GMDS: variants seen among roughly 807,000 people sequenced by gnomAD.
GMDS encodes GDP-mannose 4,6 dehydratase.
A neutral mutation model predicts 49.9 loss-of-function variants in GMDS; 20 were observed. That is an observed-to-expected ratio of 0.40 (90% confidence interval 0.28 to 0.58). The LOEUF is 0.58. Among genes scored for constraint, GMDS ranks in the 20% least tolerant of loss-of-function variants. The pLI, the probability that GMDS is intolerant of heterozygous loss-of-function variation, is 0.42. For missense variants in GMDS, 362 were observed against 481.4 expected (o/e 0.75, Z 2.32); for synonymous variants, 177 against 178.6 (o/e 0.99, Z 0.07).
At chr6:1,696,327 G>A (rs541865220) in intron 9 of GMDS, among the ~76,000 whole-genome samples, 46 of 152,356 alleles carry the variant, frequency 3.0e-4, no homozygotes, top group Admixed American at 1.2e-3. Flanking sequence ...GGCCTACGCC[G>A]TGATTTGCTG....
intron 4 of GMDS, among the ~76,000 whole-genome samples, chr6:2,098,161 G>A (rs1180984728): frequency 1.3e-5 from 2 of 152,258 alleles, no homozygotes; most frequent in East Asian, 3.9e-4. Flanking sequence ...CCAGGTTCAG[G>A]TGATTCTCCT....
chr6:2,175,802 T>TGTA, intron 1 of GMDS: 1 of 604,988 alleles, frequency 1.7e-6, no homozygotes, highest in Non-Finnish European at 2.9e-6. Flanking sequence ...AACATTTATA[T>TGTA]AGCCCTTAAA....
intron 6 of GMDS, among the ~76,000 whole-genome samples, chr6:1,940,692 T>C (rs1169626278): frequency 1.3e-5 from 2 of 152,268 alleles, no homozygotes; most frequent in African/African-American, 2.4e-5. Flanking sequence ...TTGTCTGAGA[T>C]AGCTACCACC....
At chr6:1,865,852 C>T (rs567805364) in intron 7 of GMDS, among the ~76,000 whole-genome samples, 1 of 152,116 alleles carries the variant, frequency 6.6e-6, no homozygotes, top group East Asian at 1.9e-4. Context: ...GTGCACAGCC[C>T]CAAGAAAAGG....
intron 4 of GMDS, among the ~76,000 whole-genome samples, chr6:1,998,682 A>C (rs1294297568): frequency 1.3e-5 from 2 of 152,190 alleles, no homozygotes; most frequent in African/African-American, 2.4e-5. Flanking sequence ...TTTATAATGT[A>C]TTAGGTATTA....
intron 1 of GMDS, among the ~76,000 whole-genome samples, chr6:2,137,989 C>T (rs1422738020): frequency 1.3e-5 from 2 of 152,158 alleles, no homozygotes; most frequent in African/African-American, 4.8e-5. Context: ...TGAAAAATTC[C>T]AATAAATACA....
chr6:1,766,099 A>G lies in GMDS; in HGVS notation c.772-23513T>C, dbSNP rs919707168. ...TATGAAAACGACACATGTGAAATGG[A>G]GGGTGGGTATGTGAAGCTCAGGATG... On this transcript the variant is annotated intron_variant, in intron 7 of 10. Coordinates refer to ENST00000380815, the MANE Select transcript of GMDS (RefSeq NM_001500.4). The surrounding 1 kb of genome is among the most constrained non-coding windows in gnomAD (Gnocchi z 4.5). Among the ~76,000 whole-genome samples the G allele has an allele frequency of 2.0e-5, 3 of 152,158 alleles. No homozygotes were observed. Among genetic ancestry groups the G allele is most frequent in the Admixed American group, 6.5e-5 (1 of 15,270 alleles).
At chr6:1,730,452 A>T (rs1316528495) in intron 8 of GMDS, among the ~76,000 whole-genome samples, 1 of 152,192 alleles carries the variant, frequency 6.6e-6, no homozygotes, top group Non-Finnish European at 1.5e-5. Flanking sequence ...CCAAATGCTC[A>T]GGAAGTGAGA....
intron 9 of GMDS, among the ~76,000 whole-genome samples, chr6:1,696,808 C>T (rs1307679569): frequency 1.3e-5 from 2 of 152,192 alleles, no homozygotes; most frequent in African/African-American, 2.4e-5. Flanking sequence ...GAGGAAGGGA[C>T]GTGAGTGGCT....
chr6:2,122,214 C>T (rs1032001373), intron 2 of GMDS, among the ~76,000 whole-genome samples: 9 of 152,156 alleles, frequency 5.9e-5, no homozygotes, highest in African/African-American at 2.2e-4. Flanking sequence ...TCATCTAAAC[C>T]TTTAGTTGTG....
At chr6:1,806,265 C>G (rs1770171459) in intron 7 of GMDS, among the ~76,000 whole-genome samples, 1 of 152,118 alleles carries the variant, frequency 6.6e-6, no homozygotes, top group South Asian at 2.1e-4. Flanking sequence ...TTATCATAGG[C>G]TAACGTACTG....
At chr6:1,646,744 C>G (rs988121106) in intron 9 of GMDS, among the ~76,000 whole-genome samples, 1 of 152,134 alleles carries the variant, frequency 6.6e-6, no homozygotes, top group African/African-American at 2.4e-5. Flanking sequence ...TTTTTTCCAC[C>G]TATATCCTGC....
chr6:1,645,437 C>G (rs535260224), intron 9 of GMDS, among the ~76,000 whole-genome samples: 1 of 152,192 alleles, frequency 6.6e-6, no homozygotes, highest in South Asian at 2.1e-4. Flanking sequence ...GCAAATGGCG[C>G]CTTCTACCCC....
chr6:2,007,585 T>G (rs1767278486), intron 4 of GMDS, among the ~76,000 whole-genome samples: 1 of 152,090 alleles, frequency 6.6e-6, no homozygotes, highest in Non-Finnish European at 1.5e-5. Context: ...GTTTATTTAA[T>G]TTTATTTCTT....
chr6:2,002,170 A>G (rs1766858511), intron 4 of GMDS, among the ~76,000 whole-genome samples: 1 of 152,258 alleles, frequency 6.6e-6, no homozygotes, highest in African/African-American at 2.4e-5. Flanking sequence ...TTGTTCCACC[A>G]TCTTCTAAGA....
chr6:1,813,443 C>T (rs1460845032), intron 7 of GMDS, among the ~76,000 whole-genome samples: 1 of 152,120 alleles, frequency 6.6e-6, no homozygotes, highest in Non-Finnish European at 1.5e-5. Flanking sequence ...TGAGCCATTC[C>T]TATCTTCACC....
At chr6:2,225,041 C>T (rs1388921030) in intron 1 of GMDS, among the ~76,000 whole-genome samples, 1 of 152,014 alleles carries the variant, frequency 6.6e-6, no homozygotes, top group African/African-American at 2.4e-5. Context: ...AAGCCTTGGC[C>T]GGGCATGGTG....
At chr6:2,192,175 T>G (rs886397781) in intron 1 of GMDS, among the ~76,000 whole-genome samples, 1 of 151,878 alleles carries the variant, frequency 6.6e-6, no homozygotes, top group South Asian at 2.1e-4. Context: ...CTACAGGAGC[T>G]ACCCTCTCTG....
intron 9 of GMDS, among the ~76,000 whole-genome samples, chr6:1,670,209 G>A (rs540518946): frequency 5.9e-5 from 9 of 152,270 alleles, no homozygotes; most frequent in South Asian, 2.1e-4. Flanking sequence ...GCAGCCTTCC[G>A]GGACAAGGGG....
Sources: gnomAD v4.1 joint callset for allele counts (sites outside exome capture counted in the v4.1 genomes callset) on GRCh38, gnomAD v4.1.1 for gene constraint, Gnocchi (gnomAD v3.1) non-coding constraint, MANE v1.5 for transcripts, NCBI Gene and HGNC (gene_info 2026-07-23, HGNC 2026-07-21) for gene names.